Variants in GALK1 observed in about 807,000 individuals in gnomAD.
The protein encoded by GALK1 is galactokinase 1.
A neutral mutation model predicts 38.6 loss-of-function variants in GALK1; 30 were observed. That is an observed-to-expected ratio of 0.78 (90% CI 0.58 to 1.05). The LOEUF is 1.05. Ranked by LOEUF, GALK1 falls within the 50% of genes least tolerant of loss-of-function variation. GALK1 has a pLI of 0.00. For missense variants in GALK1, 512 were observed against 540.5 expected, an observed-to-expected ratio of 0.95 and a Z score of 0.52; for synonymous variants, 240 against 233.6, an observed-to-expected ratio of 1.03 and a Z score of -0.25.
At chr17:75,752,463 A>T (rs1473003855) in intron 8 of GALK1, 2 of 1,613,558 alleles carry the variant, frequency 1.2e-6, no homozygotes, top group Non-Finnish European at 1.7e-6. Flanking sequence ...CATCCCTGAC[A>T]TCCCTATCGT....
Position 75,763,307 on chromosome 17 carries a change from G to A in GALK1, c.475+13C>T. 6.2e-7 allele frequency: 1 copy of A among 1,613,956 alleles called. No individual in the cohort carries two copies. Among genetic ancestry groups the A allele is most frequent in the Non-Finnish European group, 8.5e-7 (1 of 1,179,958 alleles). On this transcript the variant is annotated intron_variant, in intron 3 of 7. Transcript: ENST00000588479. ...GAAGGAGGGCTGGGTCAGGGCTGGG[G>A]CCTAGCTGGTACCTGGACAGAGCTG...
chr17:75,754,931 C>A, downstream of GALK1: 1 of 1,537,518 alleles, frequency 6.5e-7, no homozygotes, highest in Non-Finnish European at 8.9e-7. Context: ...TACACACACG[C>A]ATGCACACAT....
downstream of GALK1, chr17:75,754,962 G>A (rs78548929): frequency 3.2e-4 from 230 of 725,370 alleles, 1 homozygote; most frequent in Middle Eastern, 2.3e-3. Flanking sequence ...ACGTGCACAC[G>A]CATGCACACA....
At chr17:75,759,624 G>A (rs2061578784) in intron 5 of GALK1, among the ~76,000 whole-genome samples, 1 of 152,028 alleles carries the variant, frequency 6.6e-6, no homozygotes, top group African/African-American at 2.4e-5. Context: ...TATGCAGAAG[G>A]AGACCTGGAG....
At position 75,758,791 on chromosome 17, in the gene GALK1, C is replaced by A. The variant is rs1307143082; in HGVS notation, c.794-192G>T. On this transcript the variant is annotated intron_variant, in intron 5 of 7. Coordinates refer to ENST00000588479, the MANE Select transcript of GALK1 (RefSeq NM_000154.2). Reference sequence around the variant, plus strand: ...TTTATCACAGTGCCTCCTCCCCCGACTGTAAAATGGGACACCTTGGTCCTT... The same window carrying A: ...TTTATCACAGTGCCTCCTCCCCCGAATGTAAAATGGGACACCTTGGTCCTT... 2.6e-5 allele frequency among the ~76,000 whole-genome samples: 4 copies of A among 152,326 alleles called. No homozygotes were observed. The East Asian group carries it at 5.8e-4, about 22-fold the overall frequency.
chr17:75,757,133 C>A (rs748712553), downstream of GALK1: 43 of 1,612,732 alleles, frequency 2.7e-5, no homozygotes, highest in Non-Finnish European at 3.6e-5. Flanking sequence ...TTCCTTCACC[C>A]CCACCCCTCC....
intron 5 of GALK1, 76 bp downstream of exon 5, chr17:75,762,628 G>T: frequency 1.3e-6 from 2 of 1,510,940 alleles, no homozygotes; most frequent in Non-Finnish European, 1.8e-6. Context: ...GGGGTCCCAG[G>T]CAGGGTCAAG....
At chr17:75,754,810 C>G (rs779693363), downstream of GALK1, 5 of 1,614,084 alleles carry the variant, frequency 3.1e-6, no homozygotes, top group South Asian at 5.5e-5. Context: ...TCCGTCTCCT[C>G]CCACGGTGAG....
At position 75,752,628 on chromosome 17, in the gene GALK1, G is replaced by C. The variant is rs776031858; in HGVS notation, c.*23-891C>G. On this transcript the variant is annotated intron_variant, in intron 8 of 8. Transcript: ENST00000225614. ...GAGGACAGTGGGGGTCTTGGGTACA[G>C]AGTGAGTCCACTGGGTCCAGAGAGG... is the stretch of plus-strand genomic sequence containing the variant. The C allele has an allele frequency of 3.1e-6, 5 of 1,608,994 alleles. No homozygotes were observed. In the South Asian group the frequency reaches 4.4e-5, roughly 14 times the overall value.
chr17:75,755,968 C>T (rs990597944), downstream of GALK1: 41 of 1,263,788 alleles, frequency 3.2e-5, no homozygotes, highest in East Asian at 3.0e-4. Context: ...AGCGCTAAAG[C>T]CCCCATCCAG....
At chr17:75,757,389 G>A (rs557661478), downstream of GALK1, 2 of 1,613,036 alleles carry the variant, frequency 1.2e-6, no homozygotes, top group African/African-American at 1.3e-5. Flanking sequence ...CCCCAAGCCA[G>A]GTCATCTAAT....
downstream of GALK1, chr17:75,757,434 C>A: frequency 1.2e-6 from 2 of 1,613,216 alleles, no homozygotes; most frequent in Non-Finnish European, 8.5e-7. Flanking sequence ...ACCCTGGGGG[C>A]CCAGCACCTG....
downstream of GALK1, chr17:75,756,438 A>G (rs2061504716): frequency 2.5e-6 from 4 of 1,613,218 alleles, no homozygotes; most frequent in East Asian, 2.2e-5. Context: ...GGTGAGCTGC[A>G]TCGGCTCAAC....
chr17:75,764,246 G>A, intron 1 of GALK1, 160 bp from the exon 2 acceptor site: 1 of 810,780 alleles, frequency 1.2e-6, no homozygotes, highest in South Asian at 1.3e-5. Context: ...AGCTGACCTT[G>A]GGGGCTTGAG....
downstream of GALK1, chr17:75,756,806 C>T (rs1212469566): frequency 5.6e-6 from 9 of 1,612,562 alleles, no homozygotes; most frequent in Non-Finnish European, 6.8e-6. Context: ...CCACGGAGGC[C>T]CAATGGGGAT....
chr17:75,757,097 CCAGGATGGAGG>C (rs752367587), downstream of GALK1: 1 of 1,612,968 alleles, frequency 6.2e-7, no homozygotes, highest in Non-Finnish European at 8.5e-7. Flanking sequence ...CCATAGAGTC[CCAGGATGGAGG>C]TAGGCACCTG....
intron 5 of GALK1, among the ~76,000 whole-genome samples, chr17:75,759,053 G>A (rs575057142): frequency 4.3e-4 from 66 of 152,228 alleles, no homozygotes; most frequent in Non-Finnish European, 7.4e-4. Context: ...TACTGCGCCC[G>A]GCCAAACCCG....
rs1022202909 is a variant in GALK1 at position 75,764,184 on chromosome 17, C to T, written c.166-98G>A. The T allele has an allele frequency of 1.2e-5, 14 of 1,141,248 alleles. No individual in the cohort carries two copies. In the South Asian group the frequency reaches 1.8e-4, roughly 14 times the overall value. The allele number at this position is 1,141,248 out of a possible 1,614,324, so 70.7% of individuals were successfully genotyped here. On this transcript the variant is annotated intron_variant, in intron 1 of 7. Coordinates refer to ENST00000588479, the MANE Select transcript of GALK1 (RefSeq NM_000154.2). ...GCCGAGGTTCTGATGCCTCCACAGTCATCAGGTTCTGAACCTCCAGGTTCA... is the reference window on the plus strand; with the variant it reads ...GCCGAGGTTCTGATGCCTCCACAGTTATCAGGTTCTGAACCTCCAGGTTCA...
In GALK1 at chr17:75,758,214, A is replaced by G. The variant is rs2061563235; in HGVS notation, c.1103T>C (p.Ile368Thr). ...ASAAPHAMRHIQEHYGGTATF... is the reference protein window; with the variant it reads ...ASAAPHAMRHTQEHYGGTATF... ...CAGGCCCTGGTGCCCGCCCACCTGG[A>G]TGTGCCGCATGGCGTGGGGAGCAGC... The change falls in exon 7 of 8, where the codon ATC (isoleucine) becomes ACC (threonine). Residue 368 changes from isoleucine (I) to threonine (T), a missense_variant. Ile to Thr is a moderately conservative substitution (Grantham distance 89, BLOSUM62 -1). Transcript: ENST00000588479. The G allele has an allele frequency of 6.2e-7, 1 of 1,606,446 alleles. No individual in the cohort carries two copies. The highest frequency in any genetic ancestry group is 8.5e-7 in the Non-Finnish European group (1 of 1,177,426).
Sources: allele counts gnomAD v4.1 joint callset (sites outside exome capture counted in the v4.1 genomes callset), GRCh38; gene constraint gnomAD v4.1.1; transcripts MANE v1.5; gene names NCBI Gene and HGNC (gene_info 2026-07-23, HGNC 2026-07-21).